Variants in VPS13B observed in about 807,000 individuals in gnomAD.
VPS13B encodes vacuolar protein sorting 13 homolog B, also known as intermembrane lipid transfer protein VPS13B.
In VPS13B, 285 loss-of-function variants were observed where a neutral mutation model predicts 426.4. That is an observed-to-expected ratio of 0.67 (90% CI 0.61 to 0.74). The LOEUF is 0.74. VPS13B is among the 30% of genes least tolerant of loss of function. The pLI is 0.00. For synonymous variants in VPS13B, 1,676 were observed against 1,676.4 expected, an observed-to-expected ratio of 1.00 and a Z score of 0.01; for missense variants, 4,537 against 4,782.6, an observed-to-expected ratio of 0.95 and a Z score of 1.51.
chr8:99,837,486 C>T (rs1038067269), intron 54 of VPS13B, among the ~76,000 whole-genome samples: 5 of 152,168 alleles, frequency 3.3e-5, no homozygotes, highest in South Asian at 2.1e-4. Context: ...GAATTCTTTA[C>T]GATAGACATT....
chr8:99,688,588 C>T (rs1293910434), intron 35 of VPS13B, among the ~76,000 whole-genome samples: 2 of 151,910 alleles, frequency 1.3e-5, no homozygotes, highest in East Asian at 3.8e-4. Flanking sequence ...TAATGGATTG[C>T]TTGGATAAAT....
rs1810429726 is a variant in VPS13B, at chr8:99,141,697, TTAAAA to T, written c.1652-1273_1652-1269del. On this transcript the variant is annotated intron_variant, in intron 12 of 61. Coordinates refer to ENST00000357162, the MANE Select transcript of VPS13B (RefSeq NM_152564.5). ...TTTTACTTGTATTATATAGTTAACT[TTAAAA>T]TAATCTTTGCACTAAGTCGTCTGGT... Among the ~76,000 whole-genome samples the T allele has an allele frequency of 5.3e-5, 8 of 151,976 alleles. No homozygotes were observed. In the South Asian group the frequency reaches 1.7e-3, roughly 32 times the overall value.
At chr8:99,804,560 AC>A (rs1396828668) in intron 43 of VPS13B, among the ~76,000 whole-genome samples, 2 of 152,198 alleles carry the variant, frequency 1.3e-5, no homozygotes, top group African/African-American at 4.8e-5. Context: ...CATTTTATGA[AC>A]AAATATCACC....
intron 30 of VPS13B, chr8:99,536,889 A>G (rs571545492): frequency 2.4e-5 from 11 of 466,224 alleles, no homozygotes; most frequent in South Asian, 1.2e-4. Context: ...AAAACTAGGG[A>G]AAAAAAGTAA....
intron 9 of VPS13B, 128 bp downstream of exon 9, chr8:99,134,855 G>A (rs972268816): frequency 1.7e-5 from 20 of 1,163,374 alleles, no homozygotes; most frequent in East Asian, 2.6e-5. Flanking sequence ...TTTTAATAGA[G>A]TTTACTATCT....
chr8:99,802,329 G>A (rs1283343172), intron 43 of VPS13B, among the ~76,000 whole-genome samples: 1 of 152,114 alleles, frequency 6.6e-6, no homozygotes, highest in Non-Finnish European at 1.5e-5. Flanking sequence ...TTGGCAAAGT[G>A]CCAAGAGGGC....
chr8:99,494,371 AT>A (rs979765303), intron 25 of VPS13B, among the ~76,000 whole-genome samples: 9 of 151,886 alleles, frequency 5.9e-5, no homozygotes, highest in South Asian at 2.1e-4. Context: ...TGTCATCTTA[AT>A]TTTTTTTAAA....
intron 30 of VPS13B, among the ~76,000 whole-genome samples, chr8:99,545,927 A>G (rs183487947): frequency 3.3e-5 from 5 of 151,992 alleles, no homozygotes; most frequent in African/African-American, 4.8e-5. Context: ...GTTGCTAACT[A>G]GAAGATCATG....
At chr8:99,435,834 G>T (rs1318272352) in intron 22 of VPS13B, among the ~76,000 whole-genome samples, 1 of 152,118 alleles carries the variant, frequency 6.6e-6, no homozygotes. Context: ...GGCAAATAGG[G>T]ATTTTGAATT....
chr8:99,125,196 G>A (rs983175044), intron 8 of VPS13B, among the ~76,000 whole-genome samples: 2 of 152,194 alleles, frequency 1.3e-5, no homozygotes, highest in Non-Finnish European at 2.9e-5. Context: ...AGCTGACGGT[G>A]CAGCTTTCAG....
chr8:99,504,614 A>G (rs977715194), intron 27 of VPS13B, among the ~76,000 whole-genome samples: 8 of 152,202 alleles, frequency 5.3e-5, no homozygotes, highest in African/African-American at 1.9e-4. Flanking sequence ...GTTCTCAACA[A>G]AGAGCTTAAA....
intron 33 of VPS13B, among the ~76,000 whole-genome samples, chr8:99,595,044 A>G (rs1826929418): frequency 2.0e-5 from 3 of 152,068 alleles, no homozygotes; most frequent in Admixed American, 6.6e-5. Context: ...CTCCTCAAAG[A>G]TTCATTATTC....
chr8:99,819,039 T>A, intron 47 of VPS13B, 151 bp downstream of exon 47: 1 of 860,872 alleles, frequency 1.2e-6, no homozygotes. Context: ...TATGAGAATG[T>A]TATTTTAAAA....
intron 33 of VPS13B, among the ~76,000 whole-genome samples, chr8:99,599,817 A>G (rs1827199110): frequency 6.6e-6 from 1 of 152,088 alleles, no homozygotes; most frequent in Non-Finnish European, 1.5e-5. Context: ...TTCCTTCTAC[A>G]TTTTTTAAGA....
intron 23 of VPS13B, among the ~76,000 whole-genome samples, chr8:99,462,163 T>A (rs1438839744): frequency 7.0e-6 from 1 of 143,590 alleles, no homozygotes; most frequent in Non-Finnish European, 1.5e-5. Flanking sequence ...CCTCCCTCCC[T>A]TTCTCCCTCC....
chr8:99,873,045 C>T (rs1024380280), intron 61 of VPS13B, among the ~76,000 whole-genome samples: 1 of 152,208 alleles, frequency 6.6e-6, no homozygotes, highest in African/African-American at 2.4e-5. Flanking sequence ...ATCTTCTGAT[C>T]AGTTGAGTAA....
intron 33 of VPS13B, among the ~76,000 whole-genome samples, chr8:99,625,034 A>G (rs1828548609): frequency 6.6e-6 from 1 of 152,040 alleles, no homozygotes; most frequent in African/African-American, 2.4e-5. Flanking sequence ...CATGTTGGTC[A>G]GGCTGGTCTC....
At chr8:99,187,501 T>G (rs1296130743) in intron 16 of VPS13B, among the ~76,000 whole-genome samples, 2 of 152,232 alleles carry the variant, frequency 1.3e-5, no homozygotes, top group African/African-American at 2.4e-5. Context: ...ATATTTATTT[T>G]CTGGTCCATT....
At chr8:99,367,296 C>T (rs1178448054) in intron 19 of VPS13B, among the ~76,000 whole-genome samples, 1 of 151,998 alleles carries the variant, frequency 6.6e-6, no homozygotes, top group Non-Finnish European at 1.5e-5. Context: ...AAGGTTTTTC[C>T]CTTCAGAACT....
Sources: gnomAD v4.1 joint callset for allele counts (sites outside exome capture counted in the v4.1 genomes callset) on GRCh38, gnomAD v4.1.1 for gene constraint, MANE v1.5 for transcripts, NCBI Gene and HGNC (gene_info 2026-07-23, HGNC 2026-07-21) for gene names.